The following CDC42BPA variants were observed in gnomAD, a reference collection of about 807,000 sequenced individuals.
CDC42BPA encodes the protein CDC42 binding protein kinase alpha.
CDC42BPA carries 80 observed loss-of-function variants against 223.5 expected under a neutral mutation model. That is an observed-to-expected ratio of 0.36 (90% CI 0.30 to 0.43). The LOEUF is 0.43. Among genes scored for constraint, CDC42BPA ranks in the 20% least tolerant of loss-of-function variants. CDC42BPA has a pLI of 1.00. For missense variants in CDC42BPA, 1,743 were observed against 2,099.9 expected, an observed-to-expected ratio of 0.83 and a Z score of 3.32; for synonymous variants, 694 against 718.6, an observed-to-expected ratio of 0.97 and a Z score of 0.55.
At chr1:227,147,633 A>G in intron 6 of CDC42BPA, 74 bp from the exon 7 acceptor site, 1 of 730,286 alleles carries the variant, frequency 1.4e-6, no homozygotes, top group East Asian at 2.8e-5. Flanking sequence ...TAAGATACAC[A>G]ATAGACATTA....
intron 2 of CDC42BPA, among the ~76,000 whole-genome samples, chr1:227,217,617 T>A (rs1235323800): frequency 1.3e-5 from 2 of 152,142 alleles, no homozygotes. Context: ...CAGCTTCCAA[T>A]GGTTTCCCAT....
chr1:227,270,730 C>A (rs1685820976), intron 1 of CDC42BPA, among the ~76,000 whole-genome samples: 2 of 152,026 alleles, frequency 1.3e-5, no homozygotes, highest in South Asian at 4.1e-4. Flanking sequence ...AGCAATAATT[C>A]CCCATCCCCT....
rs760904354 is a variant in CDC42BPA at position 227,145,684 on chromosome 1, A to G, written c.948T>C (p.Asp316=). 7 of 1,613,566 alleles carry G rather than the reference A, an allele frequency of 4.3e-6. No individual in the cohort carries two copies. The highest frequency in any genetic ancestry group is 1.6e-4 in the Middle Eastern group (1 of 6,080). ...TGCTACAAATGAGCCTTCGAATAAG[A>G]TCCTTAGCATTTTCAGACACATCAG... ...QVTDVSENAK[D]LIRRLICSRE... The change falls in exon 8 of 37, where the codon GAT becomes GAC. Residue 316 remains aspartate, a synonymous_variant. Transcript: ENST00000366766.
At chr1:227,276,978 CTTG>C (rs1396382163) in intron 1 of CDC42BPA, among the ~76,000 whole-genome samples, 4 of 151,756 alleles carry the variant, frequency 2.6e-5, no homozygotes, top group Non-Finnish European at 4.4e-5. Context: ...ACCAGAGACC[CTTG>C]TTCACATGTT....
At chr1:227,251,089 G>A (rs1681924059) in intron 2 of CDC42BPA, among the ~76,000 whole-genome samples, 1 of 152,136 alleles carries the variant, frequency 6.6e-6, no homozygotes, top group African/African-American at 2.4e-5. Context: ...GAATTTTTAA[G>A]TCAAAAGGAA....
At chr1:227,272,985 T>A (rs1040510894) in intron 1 of CDC42BPA, among the ~76,000 whole-genome samples, 1 of 152,184 alleles carries the variant, frequency 6.6e-6, no homozygotes, top group Non-Finnish European at 1.5e-5. Context: ...ATTTTATACA[T>A]AAGTGAGATA....
intron 17 of CDC42BPA, among the ~76,000 whole-genome samples, chr1:227,078,579 A>G (rs1043450869): frequency 6.6e-6 from 1 of 152,102 alleles, no homozygotes; most frequent in Non-Finnish European, 1.5e-5. Flanking sequence ...GAAGGTTCCT[A>G]CTCTAACGGC....
intron 3 of CDC42BPA, among the ~76,000 whole-genome samples, chr1:227,206,646 T>G (rs1224684814): frequency 6.6e-6 from 1 of 152,174 alleles, no homozygotes; most frequent in Non-Finnish European, 1.5e-5. Flanking sequence ...TGTTTTTGTT[T>G]TTAAAAAGAT....
intron 11 of CDC42BPA, among the ~76,000 whole-genome samples, chr1:227,127,978 C>T (rs1656192572): frequency 6.6e-6 from 1 of 152,162 alleles, no homozygotes; most frequent in Admixed American, 6.5e-5. Flanking sequence ...TCTGCTTATT[C>T]AGATCATGTA....
intron 11 of CDC42BPA, among the ~76,000 whole-genome samples, chr1:227,124,603 G>C (rs1689217572): frequency 6.6e-6 from 1 of 152,142 alleles, no homozygotes; most frequent in African/African-American, 2.4e-5. Context: ...GAAAAAAACA[G>C]TATGTGAAGG....
intron 10 of CDC42BPA, among the ~76,000 whole-genome samples, chr1:227,137,336 A>AT (rs1401853036): frequency 6.6e-6 from 1 of 152,148 alleles, no homozygotes; most frequent in Non-Finnish European, 1.5e-5. Flanking sequence ...TTCTACCAGA[A>AT]TGGCTACAAG....
chr1:227,070,573 A>G (rs1352498400), intron 20 of CDC42BPA, among the ~76,000 whole-genome samples: 6 of 151,900 alleles, frequency 3.9e-5, no homozygotes, highest in Admixed American at 3.9e-4. Context: ...TGTGTTTTTC[A>G]TATTACTATC....
At chr1:227,307,324 T>C (rs1692730602) in intron 1 of CDC42BPA, among the ~76,000 whole-genome samples, 1 of 152,178 alleles carries the variant, frequency 6.6e-6, no homozygotes, top group Non-Finnish European at 1.5e-5. Context: ...TTTGCCTTTG[T>C]TTGGAAATTG....
chr1:227,139,735 A>C lies in CDC42BPA; in HGVS notation c.1231T>G (p.Ser411Ala), dbSNP rs1277159668. 1.3e-6 allele frequency: 2 copies of C among 1,527,390 alleles called. No individual in the cohort carries two copies. The highest frequency in any genetic ancestry group is 2.2e-5 in the Admixed American group (1 of 44,632). The allele number at this position is 1,527,390 out of a possible 1,614,324, so 94.6% of individuals were successfully genotyped here. The stretch of plus-strand genomic sequence containing the variant: ...GTAACTCTTAAACAGCTCCGATCAG[A>C]AAGTACACTGAAGAAAAGAAAAAAA... ...GFTYTSSCVL[S>A]DRSCLRVTAG... Residue 411 changes from serine (S) to alanine (A), a missense_variant, in exon 10 of 37, where the codon TCT becomes GCT. Physicochemically the swap from Ser to Ala is moderately conservative, Grantham distance 99. Transcript: ENST00000366766.
chr1:227,181,930 C>T (rs78912740), intron 5 of CDC42BPA, among the ~76,000 whole-genome samples: 15,651 of 152,204 alleles, frequency 0.1, 915 homozygotes, highest in Middle Eastern at 0.17. Context: ...CAACCTCCAA[C>T]ACCCAGGACA....
intron 14 of CDC42BPA, 129 bp from the exon 15 acceptor site, chr1:227,101,368 CTA>C (rs1235889820): frequency 4.0e-5 from 22 of 543,842 alleles, no homozygotes; most frequent in Admixed American, 1.5e-4. Context: ...AAATAAAATT[CTA>C]TGTTAAATCT....
At chr1:227,063,471 A>G (rs1225155760) in intron 21 of CDC42BPA, among the ~76,000 whole-genome samples, 1 of 152,106 alleles carries the variant, frequency 6.6e-6, no homozygotes, top group Non-Finnish European at 1.5e-5. Context: ...GAAGAAATGG[A>G]CTATGTAATC....
At chr1:227,292,451 A>T (rs1213325719) in intron 1 of CDC42BPA, among the ~76,000 whole-genome samples, 1 of 152,230 alleles carries the variant, frequency 6.6e-6, no homozygotes, top group African/African-American at 2.4e-5. Context: ...GATTATTTTT[A>T]AAAATCTTGC....
chr1:227,268,815 A>G (rs1685507065), intron 1 of CDC42BPA, among the ~76,000 whole-genome samples: 2 of 151,634 alleles, frequency 1.3e-5, no homozygotes, highest in Non-Finnish European at 2.9e-5. Flanking sequence ...CCTCCCAAGT[A>G]GCTGCGACTA....
Sources: gnomAD v4.1 joint callset for allele counts (sites outside exome capture counted in the v4.1 genomes callset) on GRCh38, gnomAD v4.1.1 for gene constraint, MANE v1.5 for transcripts, NCBI Gene and HGNC (gene_info 2026-07-23, HGNC 2026-07-21) for gene names.